Variants in KCNIP4 observed in about 807,000 individuals in gnomAD.
KCNIP4 encodes the protein potassium voltage-gated channel interacting protein 4.
Under a neutral mutation model 34.0 loss-of-function variants are expected in KCNIP4, and 12 were observed. The ratio of observed to expected loss-of-function variants is 0.35; its 90% CI spans 0.23 to 0.57. The LOEUF is 0.57. Among genes scored for constraint, KCNIP4 ranks in the 20% least tolerant of loss-of-function variants. The probability of loss-of-function intolerance (pLI) is 0.83; values close to 1 mark genes in which losing one functional copy is unlikely to be tolerated. For missense variants in KCNIP4, 238 were observed against 311.7 expected (o/e 0.76, Z 1.78); for synonymous variants, 124 against 102.2 (o/e 1.21, Z -1.29).
At chr4:21,070,020 A>G (rs1744746448) in intron 1 of KCNIP4, among the ~76,000 whole-genome samples, 1 of 152,198 alleles carries the variant, frequency 6.6e-6, no homozygotes, top group East Asian at 1.9e-4. Context: ...GACTCTGGGC[A>G]ATCACTAACC....
In KCNIP4 at chr4:21,946,747, A is replaced by G. The variant is rs570676610; in HGVS notation, c.61+1824T>C. Among the ~76,000 whole-genome samples, 4 of 152,236 alleles carry G rather than the reference A, an allele frequency of 2.6e-5. No homozygotes were observed. In the South Asian group the frequency reaches 6.2e-4, roughly 24 times the overall value. On this transcript the variant is annotated intron_variant, in intron 1 of 8. Transcript: ENST00000382152. ...AGAAACAGGTGTCAAATCAATTCTCAGCCAGAAAACTCATCACTTTGGTCT... is the reference window on the plus strand; with the variant it reads ...AGAAACAGGTGTCAAATCAATTCTCGGCCAGAAAACTCATCACTTTGGTCT...
intron 1 of KCNIP4, among the ~76,000 whole-genome samples, chr4:20,967,387 T>A (rs1410415305): frequency 6.6e-6 from 1 of 152,104 alleles, no homozygotes; most frequent in African/African-American, 2.4e-5. Flanking sequence ...GCAATCCCCA[T>A]CAAGCTACCA....
In KCNIP4 at chr4:20,958,275, C is replaced by T. The variant is rs374482818; in HGVS notation, c.62-75566G>A. On this transcript the variant is annotated intron_variant, in intron 1 of 8. Coordinates refer to ENST00000382152, the MANE Select transcript of KCNIP4 (RefSeq NM_025221.6). ...AGTGAAGTTCCTCTTTCAGAGAACA[C>T]AAATCCAAAGTGAATTCTGCAAAAT... Among the ~76,000 whole-genome samples the T allele has an allele frequency of 1.6e-4, 25 of 152,292 alleles. No homozygotes were observed. In the East Asian group the frequency reaches 2.5e-3, roughly 15 times the overall value.
chr4:21,913,475 T>C (rs1728456092), intron 1 of KCNIP4, among the ~76,000 whole-genome samples: 1 of 152,030 alleles, frequency 6.6e-6, no homozygotes, highest in East Asian at 1.9e-4. Context: ...GAGAGTGGCC[T>C]TCACAAGCAA....
chr4:21,357,937 A>G (rs1440441652), intron 1 of KCNIP4, among the ~76,000 whole-genome samples: 1 of 152,212 alleles, frequency 6.6e-6, no homozygotes, highest in Non-Finnish European at 1.5e-5. Flanking sequence ...CATCAATGAT[A>G]GACTGGATTA....
chr4:21,461,594 A>G (rs1729469439), intron 1 of KCNIP4, among the ~76,000 whole-genome samples: 1 of 152,086 alleles, frequency 6.6e-6, no homozygotes, highest in Admixed American at 6.6e-5. Flanking sequence ...TTAAATTCCA[A>G]AGGTAGAAAA....
chr4:21,176,018 G>A (rs1258168807), intron 1 of KCNIP4, among the ~76,000 whole-genome samples: 2 of 151,980 alleles, frequency 1.3e-5, no homozygotes, highest in Non-Finnish European at 2.9e-5. Context: ...GACCTCTACT[G>A]AAATAGTCCA....
intron 1 of KCNIP4, among the ~76,000 whole-genome samples, chr4:20,978,989 T>G (rs1159200236): frequency 6.6e-6 from 1 of 152,096 alleles, no homozygotes; most frequent in South Asian, 2.1e-4. Context: ...TATATGACAA[T>G]TCATTACACT....
chr4:20,780,975 G>A (rs1254902236), intron 3 of KCNIP4, among the ~76,000 whole-genome samples: 1 of 152,140 alleles, frequency 6.6e-6, no homozygotes, highest in Non-Finnish European at 1.5e-5. Context: ...AATCAATGTA[G>A]CCTCGTAGTT....
chr4:21,218,747 C>T (rs1420454082), intron 1 of KCNIP4, among the ~76,000 whole-genome samples: 1 of 152,194 alleles, frequency 6.6e-6, no homozygotes, highest in Non-Finnish European at 1.5e-5. Context: ...GCTATGGGCT[C>T]ATCCAGCATT....
intron 1 of KCNIP4, among the ~76,000 whole-genome samples, chr4:21,536,338 T>C (rs1737159324): frequency 6.6e-6 from 1 of 152,180 alleles, no homozygotes; most frequent in Admixed American, 6.5e-5. Context: ...CATAGTTGCA[T>C]TTACTAATTC....
chr4:20,824,858 A>G (rs1478841531), intron 3 of KCNIP4, among the ~76,000 whole-genome samples: 1 of 152,136 alleles, frequency 6.6e-6, no homozygotes, highest in Non-Finnish European at 1.5e-5. Context: ...TACATATCCT[A>G]GATAACCCAG....
chr4:21,336,076 G>T (rs759929171), intron 1 of KCNIP4, among the ~76,000 whole-genome samples: 5 of 151,902 alleles, frequency 3.3e-5, no homozygotes, highest in Non-Finnish European at 2.9e-5. Flanking sequence ...TATATAAATC[G>T]TATCAAAATG....
intron 1 of KCNIP4, among the ~76,000 whole-genome samples, chr4:21,538,212 T>C (rs1737372397): frequency 6.6e-6 from 1 of 152,020 alleles, no homozygotes; most frequent in South Asian, 2.1e-4. Context: ...TTAGAAGTAG[T>C]ATGTCCCACC....
chr4:21,849,297 G>C (rs1160678920), intron 1 of KCNIP4: 1 of 152,032 alleles, frequency 6.6e-6, no homozygotes, highest in East Asian at 1.9e-4. Context: ...ATCTTGAAAG[G>C]GGGCATTATA....
intron 1 of KCNIP4, among the ~76,000 whole-genome samples, chr4:21,872,668 T>A (rs1725885595): frequency 6.6e-6 from 1 of 152,296 alleles, no homozygotes; most frequent in South Asian, 2.1e-4. Flanking sequence ...CATGAATGTA[T>A]TTCACTCTTT....
At chr4:20,905,509 C>CTTTCTTTTTTTTT (rs71655610) in intron 1 of KCNIP4, among the ~76,000 whole-genome samples, 3 of 72,798 alleles carry the variant, frequency 4.1e-5, no homozygotes, top group South Asian at 4.4e-4. Context: ...CGTTTTCTTT[C>CTTTCTTTTTTTTT]TTTTTTTTTT....
chr4:21,001,477 G>C (rs965318845), intron 1 of KCNIP4, among the ~76,000 whole-genome samples: 1 of 152,176 alleles, frequency 6.6e-6, no homozygotes, highest in East Asian at 1.9e-4. Context: ...TGAACTGGGC[G>C]AGGCTGAATT....
chr4:20,827,620 A>G (rs991488718), intron 3 of KCNIP4, among the ~76,000 whole-genome samples: 3 of 152,160 alleles, frequency 2.0e-5, no homozygotes, highest in Non-Finnish European at 2.9e-5. Context: ...TACAGAGATC[A>G]TGAGAGAGAG....
Sources: allele counts gnomAD v4.1 joint callset (sites outside exome capture counted in the v4.1 genomes callset), GRCh38; gene constraint gnomAD v4.1.1; transcripts MANE v1.5; gene names NCBI Gene and HGNC (gene_info 2026-07-23, HGNC 2026-07-21).